The following PARVG variants were observed in gnomAD, a reference collection of about 807,000 sequenced individuals.
The protein encoded by PARVG is gamma-parvin.
In PARVG, 36 loss-of-function variants were observed where a neutral mutation model predicts 44.4. The ratio of observed to expected loss-of-function variants is 0.81; its 90% CI spans 0.62 to 1.07. The LOEUF (loss-of-function observed/expected upper bound fraction) is 1.07. Among genes scored for constraint, PARVG ranks in the 50% least tolerant of loss-of-function variants. The pLI, the probability that PARVG is intolerant of heterozygous loss-of-function variation, is 0.00. For synonymous variants in PARVG, 170 were observed against 174.1 expected, an observed-to-expected ratio of 0.98 and a Z score of 0.19; for missense variants, 407 against 407.4, an observed-to-expected ratio of 1.00 and a Z score of 0.01.
rs749484494 is a variant in PARVG at position 44,196,414 on chromosome 22, A to G, written c.710A>G (p.Gln237Arg). 5.6e-6 allele frequency: 9 copies of G among 1,614,186 alleles called. No individual in the cohort carries two copies. The highest frequency in any genetic ancestry group is 7.6e-6 in the Non-Finnish European group (9 of 1,180,032). Residue 237 changes from glutamine (Q) to arginine (R), a missense_variant and splice_region_variant, in exon 11 of 14, where the codon CAG becomes CGG. Transcript: ENST00000444313. ...CTGTCTGTGCAGAATCTGGACACCCAGGTAGGGACTGAGCTGCGGCGTCCC... is the reference window on the plus strand; with the variant it reads ...CTGTCTGTGCAGAATCTGGACACCCGGGTAGGGACTGAGCTGCGGCGTCCC... ...LGLSVQNLDTQFADGVILLLL... is the reference protein window; with the variant it reads ...LGLSVQNLDTRFADGVILLLL...
intron 4 of PARVG, chr22:44,186,659 C>T (rs892880545): frequency 1.5e-5 from 7 of 471,086 alleles, no homozygotes; most frequent in Admixed American, 7.0e-5. Context: ...GCTGACATGT[C>T]GTCTCAGCTC....
chr22:44,200,080 C>G (rs1362503316), intron 12 of PARVG, among the ~76,000 whole-genome samples: 1 of 152,184 alleles, frequency 6.6e-6, no homozygotes, highest in Non-Finnish European at 1.5e-5. Context: ...TGCCCGCTGG[C>G]TAGTCCTGCC....
rs192630030 is a variant in PARVG at position 44,182,608 on chromosome 22, T to C, written c.-13+691T>C. ...TCCCCTACCTCAATGTCTGATTGAG[T>C]TTGAAAACACTGAGAAGACCCAGGG... On this transcript the variant is annotated intron_variant, in intron 2 of 13. Transcript: ENST00000444313. The surrounding 1 kb of genome is among the most constrained non-coding windows in gnomAD (Gnocchi z 4.6). Among the ~76,000 whole-genome samples the C allele has an allele frequency of 1.3e-5, 2 of 151,960 alleles. No homozygotes were observed. The highest frequency in any genetic ancestry group is 1.3e-4 in the Admixed American group (2 of 15,278).
rs557003317 is a variant in PARVG, at chr22:44,200,993, C to T, written c.813+2271C>T. ...ACCACGTCCCCTCCTCCCTTCCTGCCGACTCCCAGCCACAGCCACAGCCAC... is the reference window on the plus strand; with the variant it reads ...ACCACGTCCCCTCCTCCCTTCCTGCTGACTCCCAGCCACAGCCACAGCCAC... On this transcript the variant is annotated intron_variant, in intron 12 of 13. Coordinates refer to ENST00000444313, the MANE Select transcript of PARVG (RefSeq NM_022141.7). 3.9e-5 allele frequency among the ~76,000 whole-genome samples: 6 copies of T among 152,226 alleles called. No individual in the cohort carries two copies. In the East Asian group the frequency reaches 1.2e-3, roughly 29 times the overall value.
intron 12 of PARVG, among the ~76,000 whole-genome samples, chr22:44,201,581 G>A (rs2054709560): frequency 6.6e-6 from 1 of 152,212 alleles, no homozygotes; most frequent in Non-Finnish European, 1.5e-5. Context: ...GTTGTGGCAG[G>A]CACGGTGCCT....
At chr22:44,184,003 G>A (rs549182524) in intron 3 of PARVG, 20 of 174,032 alleles carry the variant, frequency 1.1e-4, no homozygotes, top group Admixed American at 5.1e-4. Flanking sequence ...ACTATAGGTC[G>A]CCCTTTCAGT....
chr22:44,174,678 T>C (rs552244809), intron 1 of PARVG, among the ~76,000 whole-genome samples: 6 of 142,940 alleles, frequency 4.2e-5, no homozygotes, highest in South Asian at 2.3e-4. Flanking sequence ...GGAGGTTGCA[T>C]TGAGCCGAGA....
At chr22:44,180,809 C>A (rs552686496), upstream of PARVG, 1 of 448,122 alleles carries the variant, frequency 2.2e-6, no homozygotes, top group Non-Finnish European at 3.0e-6. Context: ...ACTCCTTACA[C>A]CTGCATCCCA....
At chr22:44,181,647 C>A (rs1333219648) in intron 1 of PARVG, 95 bp from the exon 2 acceptor site, 8 of 914,554 alleles carry the variant, frequency 8.7e-6, no homozygotes, top group Non-Finnish European at 1.0e-5. Flanking sequence ...GGGGCCCAGG[C>A]GGCACGGCGG....
Position 44,190,532 on chromosome 22 carries a change from G to A in PARVG, c.389-19G>A, listed in dbSNP as rs758514488. On this transcript the variant is annotated intron_variant, in intron 6 of 13. Transcript: ENST00000444313. ...TTGGCGGCCTCCTGGGCTCTGACCT[G>A]TCTCCACTCTCTTCCCAGGCATCTT... The A allele has an allele frequency of 4.4e-6, 7 of 1,601,990 alleles. 1 individual carries two copies. The South Asian group carries it at 5.5e-5, about 13-fold the overall frequency.
chr22:44,184,269 AAT>A (rs2054430518), intron 3 of PARVG: 1 of 152,222 alleles, frequency 6.6e-6, no homozygotes, highest in African/African-American at 2.4e-5. Flanking sequence ...AAATGTGTGA[AAT>A]AATTTAAGGG....
chr22:44,202,047 C>T (rs1348820181), intron 12 of PARVG, among the ~76,000 whole-genome samples: 2 of 152,238 alleles, frequency 1.3e-5, no homozygotes, highest in Non-Finnish European at 2.9e-5. Context: ...CTCCCACGGG[C>T]AGTGTGGACG....
intron 4 of PARVG, chr22:44,187,457 C>T (rs1803670154): frequency 2.4e-6 from 1 of 410,864 alleles, no homozygotes; most frequent in Non-Finnish European, 4.5e-6. Flanking sequence ...CAATTCTTTC[C>T]ATTCCCCAAG....
chr22:44,181,486 G>T, intron 1 of PARVG: 2 of 823,068 alleles, frequency 2.4e-6, no homozygotes, highest in Non-Finnish European at 2.9e-6. Context: ...CAGGGTGCTG[G>T]TGGTGGGTTG....
At chr22:44,188,003 C>T in intron 5 of PARVG, 125 bp downstream of exon 5, 1 of 974,790 alleles carries the variant, frequency 1.0e-6, no homozygotes, top group Non-Finnish European at 1.6e-6. Context: ...GGACACCTGT[C>T]TCACTTTCTA....
intron 9 of PARVG, among the ~76,000 whole-genome samples, chr22:44,194,664 ACCTAT>A (rs1426628374): frequency 6.6e-6 from 1 of 150,726 alleles, no homozygotes; most frequent in Admixed American, 6.6e-5. Flanking sequence ...CCATCCATCA[ACCTAT>A]CCATCCATCC....
intron 1 of PARVG, among the ~76,000 whole-genome samples, chr22:44,175,008 G>C (rs2054305830): frequency 6.6e-6 from 1 of 152,168 alleles, no homozygotes; most frequent in African/African-American, 2.4e-5. Context: ...TGTAATCCCA[G>C]CTACTAGGGA....
At chr22:44,177,964 A>G (rs966409978), upstream of PARVG, among the ~76,000 whole-genome samples, 7 of 152,182 alleles carry the variant, frequency 4.6e-5, no homozygotes, top group Non-Finnish European at 1.0e-4. Context: ...TGAGGAAAGA[A>G]TTTTCACTTT....
chr22:44,188,883 T>C (rs2054510788), intron 5 of PARVG: 2 of 572,864 alleles, frequency 3.5e-6, no homozygotes, highest in East Asian at 2.9e-5. Flanking sequence ...GCTCACATCA[T>C]GTGGCCTGCA....
Sources: allele counts gnomAD v4.1 joint callset (sites outside exome capture counted in the v4.1 genomes callset), GRCh38; gene constraint gnomAD v4.1.1; non-coding constraint Gnocchi (gnomAD v3.1); transcripts MANE v1.5; gene names NCBI Gene and HGNC (gene_info 2026-07-23, HGNC 2026-07-21).